GABRB3: variants seen among roughly 807,000 people sequenced by gnomAD.
GABRB3 encodes gamma-aminobutyric acid receptor subunit beta-3.
GABRB3 carries 14 observed loss-of-function variants against 52.1 expected under a neutral mutation model. The ratio of observed to expected loss-of-function variants is 0.27; its 90% CI spans 0.18 to 0.42. GABRB3 has a LOEUF of 0.42. Among genes scored for constraint, GABRB3 ranks in the 10% least tolerant of loss-of-function variants. The pLI, the probability that GABRB3 is intolerant of heterozygous loss-of-function variation, is 1.00. For synonymous variants in GABRB3, 260 were observed against 232.3 expected, an observed-to-expected ratio of 1.12 and a Z score of -1.08; for missense variants, 307 against 609.1, an observed-to-expected ratio of 0.50 and a Z score of 5.22.
At chr15:26,566,562 C>A (rs1191460110) in intron 7 of GABRB3, among the ~76,000 whole-genome samples, 1 of 151,996 alleles carries the variant, frequency 6.6e-6, no homozygotes, top group East Asian at 1.9e-4. Flanking sequence ...CCCATCTCTA[C>A]AAAAAATTAA....
At chr15:26,548,758 C>A (rs1341411851) in intron 8 of GABRB3, among the ~76,000 whole-genome samples, 2 of 152,132 alleles carry the variant, frequency 1.3e-5, no homozygotes, top group Non-Finnish European at 2.9e-5. Flanking sequence ...CACAATGGAG[C>A]CAAACTTTAC....
chr15:26,688,775 C>G (rs1456784498), intron 3 of GABRB3, among the ~76,000 whole-genome samples: 3 of 152,190 alleles, frequency 2.0e-5, no homozygotes, highest in Non-Finnish European at 4.4e-5. Flanking sequence ...CCACTGACAG[C>G]TGGCTACCCA....
At position 26,772,737 on chromosome 15, in the gene GABRB3, T is replaced by A; in HGVS notation, c.116A>T (p.Glu39Val). The change falls in exon 2 of 9, where the codon GAG (glutamate) becomes GTG (valine). Residue 39 changes from glutamate (E) to valine (V), a missense_variant. Around this residue, in one of 6 missense-constraint regions of GABRB3, gnomAD observed 90 missense variants for 86.4 expected, o/e 1.04. Transcript: ENST00000311550. The part of the protein sequence containing the change: ...NDPGNMSFVK[E>V]TVDKLLKGYD... ...GCCTTTCAACAGCTTGTCCACCGTC[T>A]CCTTCACAAAGGACATGTTCCCGGG... 1.9e-6 allele frequency: 3 copies of A among 1,572,744 alleles called. No individual in the cohort carries two copies. The highest frequency in any genetic ancestry group is 2.6e-6 in the Non-Finnish European group (3 of 1,158,898).
chr15:26,623,148 G>A (rs1462071039), intron 3 of GABRB3, among the ~76,000 whole-genome samples: 2 of 152,114 alleles, frequency 1.3e-5, no homozygotes, highest in African/African-American at 4.8e-5. Context: ...ACAGCACATC[G>A]AAAAACACAT....
At chr15:26,620,098 A>G (rs1156819577) in intron 4 of GABRB3, among the ~76,000 whole-genome samples, 1 of 152,172 alleles carries the variant, frequency 6.6e-6, no homozygotes, top group Non-Finnish European at 1.5e-5. Context: ...CACTTATCAG[A>G]ACCTGAACCT....
chr15:26,611,766 G>C (rs1246514108), intron 4 of GABRB3: 2 of 152,180 alleles, frequency 1.3e-5, no homozygotes, highest in African/African-American at 4.8e-5. Context: ...AAATGAGATA[G>C]AAAATTGGAG....
At chr15:26,583,522 A>G in intron 4 of GABRB3, 108 bp from the exon 5 acceptor site, 1 of 814,276 alleles carries the variant, frequency 1.2e-6, no homozygotes, top group African/African-American at 1.7e-5. Context: ...TGCCCAAAGT[A>G]CGCCTGGCTA....
At chr15:26,580,185 T>G in intron 6 of GABRB3, 134 bp downstream of exon 6, 2 of 1,026,896 alleles carry the variant, frequency 1.9e-6, no homozygotes, top group Non-Finnish European at 3.0e-6. Flanking sequence ...GAGGGGTGTG[T>G]GTGATGTGTG....
At chr15:26,739,646 T>C (rs1159207752) in intron 3 of GABRB3, among the ~76,000 whole-genome samples, 2 of 152,098 alleles carry the variant, frequency 1.3e-5, no homozygotes, top group African/African-American at 4.8e-5. Context: ...ACTATAAATT[T>C]GGAAAAATGA....
At chr15:26,740,632 C>A (rs1890179508) in intron 3 of GABRB3, among the ~76,000 whole-genome samples, 1 of 152,160 alleles carries the variant, frequency 6.6e-6, no homozygotes, top group African/African-American at 2.4e-5. Flanking sequence ...GGAAGCCTCC[C>A]TGTCTCCACA....
chr15:26,552,421 T>C (rs1248800107), intron 8 of GABRB3, among the ~76,000 whole-genome samples: 1 of 152,174 alleles, frequency 6.6e-6, no homozygotes, highest in East Asian at 1.9e-4. Context: ...ATTCCTTGGT[T>C]TGGGAGACAG....
At chr15:26,703,687 G>T (rs910541375) in intron 3 of GABRB3, among the ~76,000 whole-genome samples, 1 of 152,222 alleles carries the variant, frequency 6.6e-6, no homozygotes, top group African/African-American at 2.4e-5. Context: ...AAAAGACAAT[G>T]GAGGGCCAGG....
chr15:26,761,626 G>T (rs1201213132), intron 3 of GABRB3, among the ~76,000 whole-genome samples: 2 of 151,952 alleles, frequency 1.3e-5, no homozygotes, highest in African/African-American at 4.8e-5. Context: ...GATGGAATGG[G>T]ACTCTCCCTA....
At chr15:26,584,484 T>G (rs1043028430) in intron 4 of GABRB3, among the ~76,000 whole-genome samples, 1 of 152,236 alleles carries the variant, frequency 6.6e-6, no homozygotes, top group African/African-American at 2.4e-5. Flanking sequence ...CAGAAATTGT[T>G]TTACTGTGTG....
intron 3 of GABRB3, among the ~76,000 whole-genome samples, chr15:26,771,126 T>C (rs975047397): frequency 6.6e-6 from 1 of 152,216 alleles, no homozygotes; most frequent in Non-Finnish European, 1.5e-5. Flanking sequence ...ATAAGATCCT[T>C]AGTGGTAGGT....
At chr15:26,667,664 C>T (rs942031231) in intron 3 of GABRB3, among the ~76,000 whole-genome samples, 2 of 152,198 alleles carry the variant, frequency 1.3e-5, no homozygotes, top group African/African-American at 2.4e-5. Flanking sequence ...CTGCTGTGGT[C>T]TCAGGCACTC....
At chr15:26,759,017 T>C (rs867749159) in intron 3 of GABRB3, among the ~76,000 whole-genome samples, 1 of 152,158 alleles carries the variant, frequency 6.6e-6, no homozygotes, top group Non-Finnish European at 1.5e-5. Flanking sequence ...CACTCCACAT[T>C]TGGATCTATA....
rs918754452 is a variant in GABRB3, at chr15:26,743,498, G to A, written c.240+28904C>T. ...CCTAAATTGTAGGCTTTTGGCTACT[G>A]GTATATATTATTGTAAATATTTCTC... is the stretch of plus-strand genomic sequence containing the variant. On this transcript the variant is annotated intron_variant, in intron 3 of 8. Coordinates refer to ENST00000311550, the MANE Select transcript of GABRB3 (RefSeq NM_000814.6). 2.6e-5 allele frequency among the ~76,000 whole-genome samples: 4 copies of A among 152,058 alleles called. No homozygotes were observed. The East Asian group carries it at 7.7e-4, about 29-fold the overall frequency.
intron 3 of GABRB3, among the ~76,000 whole-genome samples, chr15:26,756,799 C>T (rs1429656530): frequency 6.6e-6 from 1 of 152,110 alleles, no homozygotes; most frequent in Admixed American, 6.5e-5. Flanking sequence ...AACCATTCTC[C>T]TACCTGCTTT....
Sources: gnomAD v4.1 joint callset for allele counts (sites outside exome capture counted in the v4.1 genomes callset) on GRCh38, gnomAD v4.1.1 for gene constraint, gnomAD v4.1.1 regional missense constraint, MANE v1.5 for transcripts, NCBI Gene and HGNC (gene_info 2026-07-23, HGNC 2026-07-21) for gene names.